HTR1A: variants seen among roughly 807,000 people sequenced by gnomAD.
HTR1A encodes the protein 5-hydroxytryptamine receptor 1A, also known as 5-HT1a receptor.
A neutral mutation model predicts 24.6 loss-of-function variants in HTR1A; 17 were observed. That is an observed-to-expected ratio of 0.69 (90% CI 0.47 to 1.04). The LOEUF (loss-of-function observed/expected upper bound fraction) is 1.04. Among genes scored for constraint, HTR1A ranks in the 50% least tolerant of loss-of-function variants. The pLI, the probability that HTR1A is intolerant of heterozygous loss-of-function variation, is 0.00. For synonymous variants in HTR1A, 262 were observed against 244.6 expected (o/e 1.07, Z -0.67); for missense variants, 515 against 565.1 (o/e 0.91, Z 0.90).
In HTR1A at chr5:63,958,745, C is replaced by T. The variant is rs747976357; in HGVS notation, c.*1706G>A. 2.0e-5 allele frequency among the ~76,000 whole-genome samples: 3 copies of T among 152,124 alleles called. No homozygotes were observed. Among genetic ancestry groups the T allele is most frequent in the African/African-American group, 4.8e-5 (2 of 41,412 alleles). ...GCAGCAAAGATTTTAACCAGTTTCTCGGCAGGAGTGGCAAGGCTTCAAGAA... is the reference window on the plus strand; with the variant it reads ...GCAGCAAAGATTTTAACCAGTTTCTTGGCAGGAGTGGCAAGGCTTCAAGAA... On this transcript the variant is annotated 3_prime_UTR_variant, in exon 1 of 1. Transcript: ENST00000323865.
rs915485967 is a variant in HTR1A, at chr5:63,961,995, A to G, written c.-276T>C. 11 of 537,134 alleles carry G rather than the reference A, an allele frequency of 2.0e-5. No individual in the cohort carries two copies. The African/African-American group carries it at 2.1e-4, about 10-fold the overall frequency. The allele number at this position is 537,134 out of a possible 1,614,324, so 33.3% of individuals were successfully genotyped here. A position where few individuals can be genotyped will look rare whatever the true frequency, so the allele number is the denominator to read the frequency against. On this transcript the variant is annotated 5_prime_UTR_variant, in exon 1 of 1. Transcript: ENST00000323865. ...CAGCTCCAGGATCTCCCGGCGGCGG[A>G]GAGGTGGCTGGAACGTCTGTCTGTC...
chr5:63,958,998 C>T lies in HTR1A; in HGVS notation c.*1453G>A, dbSNP rs998130665. ...TAACCTATGGACTATCTGGGCATTC[C>T]ATTGAAAGCCCAGAATTCCTATTTG... On this transcript the variant is annotated 3_prime_UTR_variant, in exon 1 of 1. Coordinates refer to ENST00000323865, the MANE Select transcript of HTR1A (RefSeq NM_000524.4). 6.6e-6 allele frequency among the ~76,000 whole-genome samples: 1 copy of T among 152,138 alleles called. No homozygotes were observed. The highest frequency in any genetic ancestry group is 1.5e-5 in the Non-Finnish European group (1 of 68,030).
Position 63,960,880 on chromosome 5 carries a change from C to A in HTR1A, c.840G>T (p.Ala280=), listed in dbSNP as rs200926929. 6.2e-7 allele frequency: 1 copy of A among 1,613,984 alleles called. No homozygotes were observed. The highest frequency in any genetic ancestry group is 2.2e-5 in the East Asian group (1 of 44,850). The change falls in exon 1 of 1, where the codon GCG becomes GCT. Residue 280 remains alanine, a synonymous_variant. Coordinates refer to ENST00000323865, the MANE Select transcript of HTR1A (RefSeq NM_000524.4). ...CGGCGCCATCGTCACCTTGCCTCAC[C>A]GCGCCATTGGCGCACAGAGCACCCC... ...KAGGALCANG[A]VRQGDDGAAL...
rs2111830315 is a variant in HTR1A, at chr5:63,960,440, C to T, written c.*11G>A. ...TCCTGTAGCCTCGACTGGCCGGCTA[C>T]TCCTCCGTCATCACTGGCGGCAGAA... On this transcript the variant is annotated 3_prime_UTR_variant, in exon 1 of 1. Coordinates refer to ENST00000323865, the MANE Select transcript of HTR1A (RefSeq NM_000524.4). 1 of 1,613,942 alleles carries T rather than the reference C, an allele frequency of 6.2e-7. No individual in the cohort carries two copies. The highest frequency in any genetic ancestry group is 8.5e-7 in the Non-Finnish European group (1 of 1,179,798).
At position 63,962,025 on chromosome 5, in the gene HTR1A, T is replaced by C; in HGVS notation, c.-306A>G. 6.2e-6 allele frequency: 3 copies of C among 480,256 alleles called. No homozygotes were observed. The South Asian group carries it at 6.3e-5, about 10-fold the overall frequency. The allele number at this position is 480,256 out of a possible 1,614,324, so 29.7% of individuals were successfully genotyped here. A position where few individuals can be genotyped will look rare whatever the true frequency, so the allele number is the denominator to read the frequency against. On this transcript the variant is annotated 5_prime_UTR_variant, in exon 1 of 1. Transcript: ENST00000323865. ...TGGCTGGAACGTCTGTCTGTCGCTGTCCATTTTACTTTGCCGCTCCCGAAC... is the reference window on the plus strand; with the variant it reads ...TGGCTGGAACGTCTGTCTGTCGCTGCCCATTTTACTTTGCCGCTCCCGAAC...
Position 63,959,507 on chromosome 5 carries a change from G to A in HTR1A, c.*944C>T, listed in dbSNP as rs1009414464. Among the ~76,000 whole-genome samples, 1 of 152,250 alleles carries A rather than the reference G, an allele frequency of 6.6e-6. No homozygotes were observed. Among genetic ancestry groups the A allele is most frequent in the Non-Finnish European group, 1.5e-5 (1 of 68,042 alleles). On this transcript the variant is annotated 3_prime_UTR_variant, in exon 1 of 1. Coordinates refer to ENST00000323865, the MANE Select transcript of HTR1A (RefSeq NM_000524.4). ...CCCAGAGCGCAAACAGCGGCCGGCT[G>A]GCGCCTCCCGCAGTAAGTAAGTGGC...
At position 63,960,164 on chromosome 5, in the gene HTR1A, A is replaced by C. The variant is rs878567; in HGVS notation, c.*287T>G. Reference sequence around the variant, plus strand: ...GAGATAGAAGAGAGAAGAGGCAATTACTGGGATCAAAACTGATGATACAGG... The same window carrying C: ...GAGATAGAAGAGAGAAGAGGCAATTCCTGGGATCAAAACTGATGATACAGG... On this transcript the variant is annotated 3_prime_UTR_variant, in exon 1 of 1. Transcript: ENST00000323865. 6.6e-6 allele frequency among the ~76,000 whole-genome samples: 1 copy of C among 152,018 alleles called. No homozygotes were observed. The highest frequency in any genetic ancestry group is 6.5e-5 in the Admixed American group (1 of 15,274).
chr5:63,961,099 C>T lies in HTR1A; in HGVS notation c.621G>A (p.Pro207=). Reference sequence around the variant, plus strand: ...CATAGAGAACCAGCATGAGCAGCAGCGGGATGTAGAAAGCTCCAAAGGTGG... The same window carrying T: ...CATAGAGAACCAGCATGAGCAGCAGTGGGATGTAGAAAGCTCCAAAGGTGG... The part of the protein sequence containing the change: ...IYSTFGAFYI[P]LLLMLVLYGR... The change falls in exon 1 of 1, where the codon CCG becomes CCA. Residue 207 remains proline (P), a synonymous_variant. Coordinates refer to ENST00000323865, the MANE Select transcript of HTR1A (RefSeq NM_000524.4). 2 of 1,614,246 alleles carry T rather than the reference C, an allele frequency of 1.2e-6. No individual in the cohort carries two copies. Among genetic ancestry groups the T allele is most frequent in the Non-Finnish European group, 1.7e-6 (2 of 1,180,048 alleles).
At position 63,960,077 on chromosome 5, in the gene HTR1A, T is replaced by A. The variant is rs1746391873; in HGVS notation, c.*374A>T. ...TGGGCGCGGCGGCTGTGTGTACAGT[T>A]TATTTATTTTTTGGATTTTCTGCCT... On this transcript the variant is annotated 3_prime_UTR_variant, in exon 1 of 1. Transcript: ENST00000323865. 6.6e-6 allele frequency among the ~76,000 whole-genome samples: 1 copy of A among 152,112 alleles called. No individual in the cohort carries two copies. The highest frequency in any genetic ancestry group is 2.4e-5 in the African/African-American group (1 of 41,420).
Position 63,961,868 on chromosome 5 carries a change from G to C in HTR1A, c.-149C>G. On this transcript the variant is annotated 5_prime_UTR_variant, in exon 1 of 1. Coordinates refer to ENST00000323865, the MANE Select transcript of HTR1A (RefSeq NM_000524.4). ...CCAAGCAGGAAGTTCTTACTGCTTC[G>C]GCGAAGGGTATCTCCGAGGAGCAGC... 1.3e-6 allele frequency: 1 copy of C among 771,970 alleles called. No individual in the cohort carries two copies. The highest frequency in any genetic ancestry group is 2.2e-6 in the Non-Finnish European group (1 of 456,454). The allele number at this position is 771,970 out of a possible 1,614,324, so 47.8% of individuals were successfully genotyped here. A position where few individuals can be genotyped will look rare whatever the true frequency, so the allele number is the denominator to read the frequency against.
In HTR1A at chr5:63,960,490, C is replaced by T. The variant is rs757637361; in HGVS notation, c.1230G>A (p.Ala410=). The T allele has an allele frequency of 1.2e-6, 2 of 1,614,212 alleles. No individual in the cohort carries two copies. The highest frequency in any genetic ancestry group is 1.7e-5 in the Admixed American group (1 of 60,030). ...ACTTACACTTAATGATCTTCTTAAA[C>T]GCGTTTTGAAAGTCCTTGTTGAAGT... is the stretch of plus-strand genomic sequence containing the variant. ...YAYFNKDFQN[A]FKKIIKCKFC... The change falls in exon 1 of 1, where the codon GCG becomes GCA. Residue 410 remains alanine, a synonymous_variant. Coordinates refer to ENST00000323865, the MANE Select transcript of HTR1A (RefSeq NM_000524.4).
In HTR1A at chr5:63,962,034, C is replaced by T; in HGVS notation, c.-315G>A. ...CGTCTGTCTGTCGCTGTCCATTTTACTTTGCCGCTCCCGAACTGGCTGCCG... is the reference window on the plus strand; with the variant it reads ...CGTCTGTCTGTCGCTGTCCATTTTATTTTGCCGCTCCCGAACTGGCTGCCG... On this transcript the variant is annotated 5_prime_UTR_variant, in exon 1 of 1. Transcript: ENST00000323865. 2.2e-6 allele frequency: 1 copy of T among 462,822 alleles called. No individual in the cohort carries two copies. Among genetic ancestry groups the T allele is most frequent in the South Asian group, 2.1e-5 (1 of 47,274 alleles). The allele number at this position is 462,822 out of a possible 1,614,324, so 28.7% of individuals were successfully genotyped here. A position where few individuals can be genotyped will look rare whatever the true frequency, so the allele number is the denominator to read the frequency against.
Position 63,961,251 on chromosome 5 carries a change from T to C in HTR1A, c.469A>G (p.Ile157Val), listed in dbSNP as rs1746429101. Residue 157 changes from isoleucine to valine, a missense_variant, in exon 1 of 1, where the codon ATC becomes GTC. Physicochemically the swap from Ile to Val is conservative, Grantham distance 29 (BLOSUM62 3). This residue lies in a region of HTR1A where 381 missense variants were observed against 384.5 expected (regional missense o/e 0.99). Transcript: ENST00000323865. The part of the protein sequence containing the change: ...KRTPRRAAAL[I>V]SLTWLIGFLI... ...AAGCCAATAAGCCAAGTGAGCGAGA[T>C]GAGCGCAGCGGCGCGCCGGGGCGTC... 1 of 1,614,146 alleles carries C rather than the reference T, an allele frequency of 6.2e-7. No individual in the cohort carries two copies.
chr5:63,961,170 G>A lies in HTR1A; in HGVS notation c.550C>T (p.Pro184Ser), dbSNP rs779217199. The A allele has an allele frequency of 2.5e-6, 4 of 1,614,170 alleles. No individual in the cohort carries two copies. The South Asian group carries it at 4.4e-5, about 18-fold the overall frequency. Reference protein sequence around the residue: ...GWRTPEDRSDPDACTISKDHG... With the variant: ...GWRTPEDRSDSDACTISKDHG... ...TCCTTGCTAATGGTGCATGCGTCGGGGTCCGAGCGGTCTTCCGGGGTGCGC... is the reference window on the plus strand; with the variant it reads ...TCCTTGCTAATGGTGCATGCGTCGGAGTCCGAGCGGTCTTCCGGGGTGCGC... The change falls in exon 1 of 1, where the codon CCC becomes TCC. Residue 184 changes from proline (P) to serine (S), a missense_variant. This residue lies in a region of HTR1A where 381 missense variants were observed against 384.5 expected (regional missense o/e 0.99). Coordinates refer to ENST00000323865, the MANE Select transcript of HTR1A (RefSeq NM_000524.4).
chr5:63,960,520 G>A lies in HTR1A; in HGVS notation c.1200C>T (p.Tyr400=), dbSNP rs1746405851. ...TTTGAAAGTCCTTGTTGAAGTATGC[G>A]TAAATGACGGGGTTAAGCAGAGAGT... ...YSNSLLNPVI[Y]AYFNKDFQNA... Residue 400 remains tyrosine (Y), a synonymous_variant, in exon 1 of 1, where the codon TAC becomes TAT. Coordinates refer to ENST00000323865, the MANE Select transcript of HTR1A (RefSeq NM_000524.4). The A allele has an allele frequency of 1.9e-6, 3 of 1,614,062 alleles. No individual in the cohort carries two copies. The highest frequency in any genetic ancestry group is 1.7e-5 in the Admixed American group (1 of 60,008).
rs1427412024 is a variant in HTR1A, at chr5:63,961,040, C to T, written c.680G>A (p.Arg227His). 6.2e-7 allele frequency: 1 copy of T among 1,614,054 alleles called. No individual in the cohort carries two copies. Among genetic ancestry groups the T allele is most frequent in the African/African-American group, 1.3e-5 (1 of 74,944 alleles). ...CTTCTCCACCTTTTTGACCGTCTTG[C>T]GGATGCGGAAGCGCGCAGCTCGGAA... Reference protein sequence around the residue: ...RIFRAARFRIRKTVKKVEKTG... With the variant: ...RIFRAARFRIHKTVKKVEKTG... Residue 227 changes from arginine to histidine, a missense_variant, in exon 1 of 1, where the codon CGC becomes CAC. Physicochemically the swap from Arg to His is conservative, Grantham distance 29 (BLOSUM62 0). Transcript: ENST00000323865.
chr5:63,962,103 A>C lies in HTR1A; in HGVS notation c.-384T>G. 1 of 361,768 alleles carries C rather than the reference A, an allele frequency of 2.8e-6. No individual in the cohort carries two copies. The highest frequency in any genetic ancestry group is 5.3e-6 in the Non-Finnish European group (1 of 188,972). 22.4% of individuals were successfully genotyped at this position (361,768 alleles called of 1,614,324 possible). A position where few individuals can be genotyped will look rare whatever the true frequency, so the allele number is the denominator to read the frequency against. Reference sequence around the variant, plus strand: ...TAGCAAACAGTCTCCAATCCCAGAAATATCTAGAACCGAGAAGCCCCATCC... The same window carrying C: ...TAGCAAACAGTCTCCAATCCCAGAACTATCTAGAACCGAGAAGCCCCATCC... On this transcript the variant is annotated 5_prime_UTR_variant, in exon 1 of 1. The change creates a premature stop within an existing upstream ORF in the 5' untranslated region. Coordinates refer to ENST00000323865, the MANE Select transcript of HTR1A (RefSeq NM_000524.4).
rs1746382371 is a variant in HTR1A, at chr5:63,959,661, T to G, written c.*790A>C. On this transcript the variant is annotated 3_prime_UTR_variant, in exon 1 of 1. Transcript: ENST00000323865. ...CATAAACAAAGTGGTCTGCACACCC[T>G]CCTCCTCCTTGCTCTCCCCCACTGG... is the stretch of plus-strand genomic sequence containing the variant. Among the ~76,000 whole-genome samples, 1 of 152,168 alleles carries G rather than the reference T, an allele frequency of 6.6e-6. No homozygotes were observed. Among genetic ancestry groups the G allele is most frequent in the South Asian group, 2.1e-4 (1 of 4,830 alleles).
Position 63,961,433 on chromosome 5 carries a change from T to C in HTR1A, c.287A>G (p.Tyr96Cys). 1 of 1,613,922 alleles carries C rather than the reference T, an allele frequency of 6.2e-7. No homozygotes were observed. Among genetic ancestry groups the C allele is most frequent in the Non-Finnish European group, 8.5e-7 (1 of 1,179,892 alleles). The change falls in exon 1 of 1, where the codon TAT becomes TGT. Residue 96 changes from tyrosine (Y) to cysteine (C), a missense_variant. Physicochemically the swap from Tyr to Cys is radical, Grantham distance 194 (BLOSUM62 -2). Transcript: ENST00000323865. ...CAGTGTCCACTTGTTGAGCACCTGA[T>C]ACAGCGCGGCCATGGGCAGCACCAA... ...SVLVLPMAAL[Y>C]QVLNKWTLGQ...
Sources: allele counts gnomAD v4.1 joint callset (sites outside exome capture counted in the v4.1 genomes callset), GRCh38; gene constraint gnomAD v4.1.1; regional missense constraint gnomAD v4.1.1; transcripts MANE v1.5; gene names NCBI Gene and HGNC (gene_info 2026-07-23, HGNC 2026-07-21).